TSHZ3: variants seen among roughly 807,000 people sequenced by gnomAD.
TSHZ3 encodes teashirt zinc finger homeobox 3, also known as teashirt homolog 3.
In TSHZ3, 10 loss-of-function variants were observed where a neutral mutation model predicts 64.5. The ratio of observed to expected loss-of-function variants is 0.16; its 90% CI spans 0.10 to 0.26. The LOEUF (loss-of-function observed/expected upper bound fraction) is 0.26. Among genes scored for constraint, TSHZ3 ranks in the 10% least tolerant of loss-of-function variants. The probability of loss-of-function intolerance (pLI) is 1.00; values close to 1 mark genes in which losing one functional copy is unlikely to be tolerated. For missense variants in TSHZ3, 1,242 were observed against 1,421.7 expected, an observed-to-expected ratio of 0.87 and a Z score of 2.03; for synonymous variants, 608 against 593.1, an observed-to-expected ratio of 1.03 and a Z score of -0.36.
At chr19:31,315,686 G>A (rs1916580158) in intron 1 of TSHZ3, among the ~76,000 whole-genome samples, 2 of 152,182 alleles carry the variant, frequency 1.3e-5, no homozygotes, top group African/African-American at 4.8e-5. Context: ...AAAACGGCTG[G>A]CAATAAAGCT....
At chr19:31,321,889 G>A (rs1916783747) in intron 1 of TSHZ3, among the ~76,000 whole-genome samples, 2 of 151,452 alleles carry the variant, frequency 1.3e-5, no homozygotes, top group South Asian at 2.1e-4. Flanking sequence ...GTGCATGTTT[G>A]TTACATAGGT....
intron 5 of TSHZ3, among the ~76,000 whole-genome samples, chr19:31,158,576 C>A (rs988748382): frequency 6.6e-6 from 1 of 152,042 alleles, no homozygotes; most frequent in Non-Finnish European, 1.5e-5. Context: ...TTTCCACGAG[C>A]CAGAGTTGGG....
intron 1 of TSHZ3, among the ~76,000 whole-genome samples, chr19:31,337,468 C>G (rs1917284119): frequency 6.6e-6 from 1 of 152,158 alleles, no homozygotes; most frequent in South Asian, 2.1e-4. Context: ...CAAATTGGCA[C>G]TTGTACTCCA....
intron 5 of TSHZ3, among the ~76,000 whole-genome samples, chr19:31,190,945 T>C (rs1271250073): frequency 6.6e-6 from 1 of 152,108 alleles, no homozygotes; most frequent in Non-Finnish European, 1.5e-5. Context: ...ATTAATAGCA[T>C]ATTGAACAAT....
At chr19:31,232,309 C>T (rs748000269) in intron 3 of TSHZ3, among the ~76,000 whole-genome samples, 9 of 152,142 alleles carry the variant, frequency 5.9e-5, no homozygotes, top group Admixed American at 2.6e-4. Flanking sequence ...AATAAATGAA[C>T]GCTTTTTAAA....
At chr19:31,159,525 C>A (rs1974346087) in intron 5 of TSHZ3, among the ~76,000 whole-genome samples, 1 of 152,188 alleles carries the variant, frequency 6.6e-6, no homozygotes, top group Non-Finnish European at 1.5e-5. Context: ...TCTCTTTCCA[C>A]CTTTTTAATG....
At chr19:31,269,639 T>G (rs537875973) in intron 1 of TSHZ3, among the ~76,000 whole-genome samples, 1 of 152,252 alleles carries the variant, frequency 6.6e-6, no homozygotes, top group Non-Finnish European at 1.5e-5. Flanking sequence ...GCCTGGGAGA[T>G]CTCTAACTCA....
At chr19:31,324,936 C>T (rs377352289) in intron 1 of TSHZ3, among the ~76,000 whole-genome samples, 9 of 152,084 alleles carry the variant, frequency 5.9e-5, no homozygotes, top group South Asian at 2.1e-4. Flanking sequence ...TGTCTCAATA[C>T]GTTTTACTAC....
chr19:31,157,655 A>G (rs1162907926), intron 5 of TSHZ3, among the ~76,000 whole-genome samples: 1 of 152,244 alleles, frequency 6.6e-6, no homozygotes, highest in Non-Finnish European at 1.5e-5. Context: ...ATATATGGCT[A>G]TATACCTAAG....
At chr19:31,256,481 C>T (rs976941943) in intron 1 of TSHZ3, among the ~76,000 whole-genome samples, 1 of 152,178 alleles carries the variant, frequency 6.6e-6, no homozygotes, top group African/African-American at 2.4e-5. Flanking sequence ...GCCCAGAGGG[C>T]CTCGGGAGTG....
At chr19:31,214,839 C>T (rs946521527) in intron 4 of TSHZ3, among the ~76,000 whole-genome samples, 1 of 140,760 alleles carries the variant, frequency 7.1e-6, no homozygotes, top group Non-Finnish European at 1.5e-5. Context: ...ACCCGGGAGG[C>T]GGAGCTTGCA....
At chr19:31,311,392 T>C (rs904505495) in intron 1 of TSHZ3, among the ~76,000 whole-genome samples, 1 of 152,106 alleles carries the variant, frequency 6.6e-6, no homozygotes, top group African/African-American at 2.4e-5. Flanking sequence ...AGAAACAAAA[T>C]AGGTGCCAAT....
At chr19:31,261,376 A>C (rs991668710) in intron 1 of TSHZ3, among the ~76,000 whole-genome samples, 4 of 152,200 alleles carry the variant, frequency 2.6e-5, no homozygotes, top group African/African-American at 9.6e-5. Context: ...AAAGAGGAAG[A>C]AGCACCGATA....
intron 1 of TSHZ3, among the ~76,000 whole-genome samples, chr19:31,293,602 C>G (rs1044528388): frequency 6.6e-6 from 1 of 152,186 alleles, no homozygotes; most frequent in Admixed American, 6.5e-5. Context: ...TGAAAGTGAT[C>G]TCTTTAATTT....
At position 31,247,356 on chromosome 19, in the gene TSHZ3, T is replaced by C. The variant is rs538985692; in HGVS notation, n.64-4481A>G. 3.3e-5 allele frequency among the ~76,000 whole-genome samples: 5 copies of C among 152,260 alleles called. No homozygotes were observed. In the South Asian group the frequency reaches 1.0e-3, roughly 32 times the overall value. On this transcript the variant is annotated intron_variant and non_coding_transcript_variant, in intron 1 of 6. Transcript: ENST00000651361. Reference sequence around the variant, plus strand: ...ACTCTAATCATGGGACAAAGCTACATCTTGTGCCCCCTGACAGGAAGAACC... The same window carrying C: ...ACTCTAATCATGGGACAAAGCTACACCTTGTGCCCCCTGACAGGAAGAACC...
chr19:31,294,692 A>G (rs1429212596), intron 1 of TSHZ3, among the ~76,000 whole-genome samples: 2 of 152,188 alleles, frequency 1.3e-5, no homozygotes, highest in Admixed American at 6.5e-5. Context: ...TATATAATCT[A>G]TTGACTGGTT....
chr19:31,233,565 C>T (rs547095144), intron 3 of TSHZ3, among the ~76,000 whole-genome samples: 13 of 152,216 alleles, frequency 8.5e-5, no homozygotes, highest in African/African-American at 2.9e-4. Context: ...TCAATGTCTT[C>T]GGCAGGGCAA....
intron 1 of TSHZ3, among the ~76,000 whole-genome samples, chr19:31,330,002 C>T (rs999710348): frequency 6.6e-6 from 1 of 152,108 alleles, no homozygotes; most frequent in Non-Finnish European, 1.5e-5. Flanking sequence ...TCCATTATAA[C>T]TGGTTTCCTC....
intron 1 of TSHZ3, among the ~76,000 whole-genome samples, chr19:31,340,093 G>T (rs991127564): frequency 7.9e-5 from 12 of 151,914 alleles, no homozygotes; most frequent in Admixed American, 2.0e-4. Context: ...GCCATGAGCC[G>T]CCTCGCCCTC....
Sources: allele counts gnomAD v4.1 joint callset (sites outside exome capture counted in the v4.1 genomes callset), GRCh38; gene constraint gnomAD v4.1.1; transcripts MANE v1.5; gene names NCBI Gene and HGNC (gene_info 2026-07-23, HGNC 2026-07-21).